DTWD2: variants seen among roughly 807,000 people sequenced by gnomAD.
DTWD2 encodes tRNA-uridine aminocarboxypropyltransferase 2.
DTWD2 carries 39 observed loss-of-function variants against 31.8 expected under a neutral mutation model. The ratio of observed to expected loss-of-function variants is 1.22; its 90% CI spans 0.95 to 1.60. DTWD2 has a LOEUF of 1.60. Ranked by LOEUF, DTWD2 falls within the 40% of genes most tolerant of loss-of-function variation. DTWD2 has a pLI of 0.00. For synonymous variants in DTWD2, 180 were observed against 142.8 expected (o/e 1.26, Z -1.86); for missense variants, 515 against 381.5 (o/e 1.35, Z -2.92).
intron 4 of DTWD2, among the ~76,000 whole-genome samples, chr5:118,861,722 T>C (rs1388812155): frequency 6.6e-6 from 1 of 152,140 alleles, no homozygotes; most frequent in Admixed American, 6.6e-5. Context: ...GTTCCCTGTG[T>C]CATGGGTCAG....
chr5:118,864,287 A>T (rs937821874), intron 4 of DTWD2, among the ~76,000 whole-genome samples: 6 of 150,752 alleles, frequency 4.0e-5, no homozygotes, highest in African/African-American at 1.5e-4. Context: ...AGGACAAAAA[A>T]CCAAACACTG....
chr5:118,958,463 C>A (rs908780382), intron 1 of DTWD2, among the ~76,000 whole-genome samples: 4 of 148,668 alleles, frequency 2.7e-5, no homozygotes, highest in Non-Finnish European at 6.0e-5. Flanking sequence ...GTCTGAAAAA[C>A]AACAACAACA....
chr5:118,846,421 A>C (rs907355250), intron 5 of DTWD2, among the ~76,000 whole-genome samples: 1 of 152,204 alleles, frequency 6.6e-6, no homozygotes, highest in African/African-American at 2.4e-5. Flanking sequence ...AATAAGAGAT[A>C]TAAGTCCACA....
intron 4 of DTWD2, among the ~76,000 whole-genome samples, chr5:118,906,594 A>C (rs780551688): frequency 3.3e-5 from 5 of 152,220 alleles, no homozygotes; most frequent in African/African-American, 4.8e-5. Flanking sequence ...AGCCATTAAG[A>C]GTACATAATC....
At chr5:118,979,042 C>T (rs1376008511) in intron 1 of DTWD2, among the ~76,000 whole-genome samples, 4 of 152,122 alleles carry the variant, frequency 2.6e-5, no homozygotes, top group African/African-American at 4.8e-5. Context: ...CGGTGGCTCA[C>T]GCCTATAATC....
chr5:118,932,923 A>G (rs1392719554), intron 3 of DTWD2, among the ~76,000 whole-genome samples: 2 of 152,078 alleles, frequency 1.3e-5, no homozygotes, highest in Non-Finnish European at 2.9e-5. Context: ...TGATAAAACT[A>G]CACCTGAGGT....
intron 4 of DTWD2, among the ~76,000 whole-genome samples, chr5:118,891,576 T>C (rs1329106347): frequency 1.3e-5 from 2 of 152,316 alleles, no homozygotes; most frequent in South Asian, 2.1e-4. Flanking sequence ...TCTGAAAGAA[T>C]GCAAGCAATT....
At chr5:118,916,399 C>T (rs1292429876) in intron 4 of DTWD2, among the ~76,000 whole-genome samples, 1 of 152,102 alleles carries the variant, frequency 6.6e-6, no homozygotes, top group Non-Finnish European at 1.5e-5. Flanking sequence ...GGTGCAGTGG[C>T]TCATGTCTGT....
chr5:118,900,584 T>C (rs539618715), intron 4 of DTWD2, among the ~76,000 whole-genome samples: 1 of 152,184 alleles, frequency 6.6e-6, no homozygotes, highest in Non-Finnish European at 1.5e-5. Context: ...TAAGATAGAC[T>C]GGATAACAGA....
chr5:118,876,323 A>G (rs569356756), intron 4 of DTWD2, among the ~76,000 whole-genome samples: 123 of 152,298 alleles, frequency 8.1e-4, no homozygotes, highest in Non-Finnish European at 1.5e-3. Context: ...AACAAATTCC[A>G]AAGCCAGCAG....
At chr5:118,954,827 A>T (rs1464950474) in intron 1 of DTWD2, among the ~76,000 whole-genome samples, 1 of 152,078 alleles carries the variant, frequency 6.6e-6, no homozygotes, top group Non-Finnish European at 1.5e-5. Flanking sequence ...AGCCTGAAGG[A>T]ATATCTTTAC....
chr5:118,873,410 G>T (rs1339660293), intron 4 of DTWD2, among the ~76,000 whole-genome samples: 1 of 152,158 alleles, frequency 6.6e-6, no homozygotes, highest in Non-Finnish European at 1.5e-5. Flanking sequence ...TGCCCTGGGG[G>T]CCTATACCAT....
chr5:118,871,856 A>T (rs1352288641), intron 4 of DTWD2, among the ~76,000 whole-genome samples: 1 of 152,092 alleles, frequency 6.6e-6, no homozygotes, highest in Non-Finnish European at 1.5e-5. Context: ...AAGCTCTGAA[A>T]CCCAGGCACT....
intron 4 of DTWD2, among the ~76,000 whole-genome samples, chr5:118,850,474 C>T (rs1319674967): frequency 1.0e-4 from 6 of 58,606 alleles, no homozygotes; most frequent in African/African-American, 3.9e-4. Context: ...CCAGACCCCA[C>T]CACAAAAAAA....
chr5:118,917,093 T>G (rs1443660408), intron 4 of DTWD2, among the ~76,000 whole-genome samples: 1 of 152,228 alleles, frequency 6.6e-6, no homozygotes, highest in African/African-American at 2.4e-5. Flanking sequence ...TTGCATTATT[T>G]ATATGTAGAT....
chr5:118,851,557 C>T (rs1287851735), intron 4 of DTWD2, among the ~76,000 whole-genome samples: 1 of 151,746 alleles, frequency 6.6e-6, no homozygotes, highest in Non-Finnish European at 1.5e-5. Flanking sequence ...AGGACAAAAT[C>T]GGGAACTCCT....
At chr5:118,941,222 A>C (rs974344065) in intron 2 of DTWD2, among the ~76,000 whole-genome samples, 1 of 152,096 alleles carries the variant, frequency 6.6e-6, no homozygotes, top group Admixed American at 6.5e-5. Context: ...ACATGTGCAC[A>C]ATGTGCAGAT....
At chr5:118,950,430 G>A (rs1754437844) in intron 1 of DTWD2, among the ~76,000 whole-genome samples, 1 of 152,142 alleles carries the variant, frequency 6.6e-6, no homozygotes, top group African/African-American at 2.4e-5. Context: ...TCAAGCGCCT[G>A]TGATGGTCCA....
At chr5:118,879,924 C>A (rs1370273472) in intron 4 of DTWD2, among the ~76,000 whole-genome samples, 2 of 152,114 alleles carry the variant, frequency 1.3e-5, no homozygotes, top group Non-Finnish European at 2.9e-5. Flanking sequence ...ACCTTTGTAA[C>A]AAACCTGCCC....
Sources: allele counts gnomAD v4.1 joint callset (sites outside exome capture counted in the v4.1 genomes callset), GRCh38; gene constraint gnomAD v4.1.1; transcripts MANE v1.5; gene names NCBI Gene and HGNC (gene_info 2026-07-23, HGNC 2026-07-21).